The following SETBP1 variants were observed in gnomAD, a reference collection of about 807,000 sequenced individuals.
SETBP1 encodes the protein SET binding protein 1.
SETBP1 carries 9 observed loss-of-function variants against 101.0 expected under a neutral mutation model. The ratio of observed to expected loss-of-function variants is 0.09; its 90% confidence interval spans 0.05 to 0.16. The LOEUF is 0.16. Among genes scored for constraint, SETBP1 ranks in the 10% least tolerant of loss-of-function variants. The pLI, the probability that SETBP1 is intolerant of heterozygous loss-of-function variation, is 1.00. For synonymous variants in SETBP1, 818 were observed against 788.5 expected (o/e 1.04, Z -0.63); for missense variants, 1,858 against 2,033.8 (o/e 0.91, Z 1.66).
At chr18:44,841,895 A>G (rs576670890) in intron 2 of SETBP1, among the ~76,000 whole-genome samples, 71 of 152,304 alleles carry the variant, frequency 4.7e-4, no homozygotes, top group African/African-American at 1.3e-3. Context: ...GCAGCACATC[A>G]TATAATTTTC....
chr18:44,773,076 G>A (rs1178754478), intron 2 of SETBP1, among the ~76,000 whole-genome samples: 1 of 152,152 alleles, frequency 6.6e-6, no homozygotes, highest in East Asian at 1.9e-4. Flanking sequence ...TGAATGGATT[G>A]TTGCTGCTTA....
chr18:44,980,411 T>A (rs921391709), intron 4 of SETBP1, among the ~76,000 whole-genome samples: 2 of 151,802 alleles, frequency 1.3e-5, no homozygotes, highest in African/African-American at 2.4e-5. Context: ...GATCGTAGAA[T>A]CTCAAAGTTA....
chr18:44,862,684 G>C (rs2069040768), intron 2 of SETBP1, among the ~76,000 whole-genome samples: 1 of 152,190 alleles, frequency 6.6e-6, no homozygotes, highest in African/African-American at 2.4e-5. Flanking sequence ...GCCAATAACA[G>C]ATCCATAGTA....
At chr18:45,011,080 G>A (rs1374709008) in intron 4 of SETBP1, among the ~76,000 whole-genome samples, 1 of 152,152 alleles carries the variant, frequency 6.6e-6, no homozygotes, top group African/African-American at 2.4e-5. Flanking sequence ...ACAGTTCTAG[G>A]ATTAAAGAGT....
At chr18:44,909,997 C>T (rs908614323) in intron 3 of SETBP1, among the ~76,000 whole-genome samples, 1 of 152,240 alleles carries the variant, frequency 6.6e-6, no homozygotes, top group Non-Finnish European at 1.5e-5. Context: ...GTAGATTACA[C>T]TATGGTTTCT....
intron 2 of SETBP1, among the ~76,000 whole-genome samples, chr18:44,817,980 T>C (rs2072019904): frequency 6.6e-6 from 1 of 152,240 alleles, no homozygotes; most frequent in Non-Finnish European, 1.5e-5. Context: ...CGTGTTTTGC[T>C]ATATAATTGA....
At chr18:45,061,902 A>G (rs2073896108) in intron 5 of SETBP1, among the ~76,000 whole-genome samples, 1 of 152,258 alleles carries the variant, frequency 6.6e-6, no homozygotes, top group East Asian at 1.9e-4. Flanking sequence ...TTGAACATGC[A>G]GCGTAAATCA....
chr18:44,769,493 TA>T (rs2070829378), intron 2 of SETBP1, among the ~76,000 whole-genome samples: 1 of 152,252 alleles, frequency 6.6e-6, no homozygotes, highest in African/African-American at 2.4e-5. Flanking sequence ...GATACCTATT[TA>T]GATTGCCTTG....
intron 2 of SETBP1, among the ~76,000 whole-genome samples, chr18:44,744,584 C>T (rs1434270750): frequency 1.3e-5 from 2 of 152,226 alleles, no homozygotes; most frequent in African/African-American, 4.8e-5. Flanking sequence ...CCAAGCGGCA[C>T]GGTGGCCCTG....
chr18:44,945,692 G>A (rs2071190980), intron 3 of SETBP1, among the ~76,000 whole-genome samples: 1 of 152,166 alleles, frequency 6.6e-6, no homozygotes, highest in African/African-American at 2.4e-5. Flanking sequence ...TCACATGTTA[G>A]CTGTTTTAGG....
At chr18:44,810,087 G>A (rs1245882911) in intron 2 of SETBP1, among the ~76,000 whole-genome samples, 1 of 152,106 alleles carries the variant, frequency 6.6e-6, no homozygotes, top group East Asian at 1.9e-4. Flanking sequence ...TAAAGCAGTG[G>A]GGAGCTCTTA....
intron 3 of SETBP1, among the ~76,000 whole-genome samples, chr18:44,893,373 G>A (rs2069816502): frequency 6.6e-6 from 1 of 152,192 alleles, no homozygotes; most frequent in African/African-American, 2.4e-5. Context: ...CCATTTGAAA[G>A]ATGTGCAAAT....
chr18:44,877,474 G>A (rs1260540582), intron 3 of SETBP1: 1 of 691,058 alleles, frequency 1.4e-6, no homozygotes, highest in Non-Finnish European at 1.8e-6. Flanking sequence ...TAGGAATAAT[G>A]TTCACCCTCC....
At chr18:44,686,575 G>A (rs1478221576) in intron 1 of SETBP1, among the ~76,000 whole-genome samples, 3 of 152,110 alleles carry the variant, frequency 2.0e-5, no homozygotes, top group Non-Finnish European at 4.4e-5. Flanking sequence ...TTGAAAAAGG[G>A]GAGAAGTTTT....
chr18:44,814,810 G>T (rs1025796228), intron 2 of SETBP1, among the ~76,000 whole-genome samples: 3 of 152,196 alleles, frequency 2.0e-5, no homozygotes, highest in Non-Finnish European at 4.4e-5. Context: ...AAATTGGCTT[G>T]GATTGATAAT....
chr18:44,688,182 C>T (rs933673298), intron 1 of SETBP1, among the ~76,000 whole-genome samples: 1 of 152,184 alleles, frequency 6.6e-6, no homozygotes, highest in Non-Finnish European at 1.5e-5. Context: ...GAAAAAGGAG[C>T]ATGCAATATT....
intron 4 of SETBP1, among the ~76,000 whole-genome samples, chr18:45,026,015 C>T (rs527460511): frequency 6.6e-6 from 1 of 152,214 alleles, no homozygotes; most frequent in African/African-American, 2.4e-5. Context: ...ATAAGGTGAC[C>T]CAGTTAGCAT....
intron 2 of SETBP1, among the ~76,000 whole-genome samples, chr18:44,803,897 T>TAA (rs60042187): frequency 2.0e-5 from 3 of 152,170 alleles, no homozygotes; most frequent in African/African-American, 7.2e-5. Context: ...CATTAAGTAG[T>TAA]GATGTCTTCT....
intron 2 of SETBP1, among the ~76,000 whole-genome samples, chr18:44,816,350 A>C (rs914498298): frequency 1.3e-5 from 2 of 152,170 alleles, no homozygotes; most frequent in African/African-American, 4.8e-5. Flanking sequence ...CTGAGGGGCC[A>C]GGCTAGAGGG....
Sources: allele counts gnomAD v4.1 joint callset (sites outside exome capture counted in the v4.1 genomes callset), GRCh38; gene constraint gnomAD v4.1.1; transcripts MANE v1.5; gene names NCBI Gene and HGNC (gene_info 2026-07-23, HGNC 2026-07-21).